PPA2: variants seen among roughly 807,000 people sequenced by gnomAD.
The protein encoded by PPA2 is inorganic pyrophosphatase 2, mitochondrial.
In PPA2, 48 loss-of-function variants were observed where a neutral mutation model predicts 49.5. That is an observed-to-expected ratio of 0.97 (90% CI 0.77 to 1.23). The LOEUF is 1.23. Ranked by LOEUF, PPA2 falls within the 50% of genes most tolerant of loss-of-function variation. The pLI is 0.00. For missense variants in PPA2, 429 were observed against 410.1 expected (o/e 1.05, Z -0.40); for synonymous variants, 131 against 139.9 (o/e 0.94, Z 0.45).
intron 10 of PPA2, among the ~76,000 whole-genome samples, chr4:105,376,325 C>G (rs1223655767): frequency 6.6e-6 from 1 of 152,206 alleles, no homozygotes; most frequent in Non-Finnish European, 1.5e-5. Flanking sequence ...AAATTTTATA[C>G]AACACTATGG....
intron 9 of PPA2, among the ~76,000 whole-genome samples, chr4:105,390,420 A>C (rs111369513): frequency 0.033 from 5,003 of 152,254 alleles, 273 homozygotes; most frequent in African/African-American, 0.11. Context: ...TACCTGACAA[A>C]GGTCTAGTAT....
chr4:105,409,942 C>T (rs543753290), intron 7 of PPA2, among the ~76,000 whole-genome samples: 2 of 152,264 alleles, frequency 1.3e-5, no homozygotes, highest in South Asian at 4.1e-4. Context: ...TAGATAAAAC[C>T]ACAAAGATGG....
chr4:105,419,955 CT>C (rs35268597), intron 7 of PPA2, among the ~76,000 whole-genome samples: 50,886 of 147,924 alleles, frequency 0.34, 10,259 homozygotes, highest in East Asian at 0.68. Context: ...CTTTTTCTTT[CT>C]TTTTTTTTTT....
chr4:105,468,984 A>G (rs543067252), intron 1 of PPA2, among the ~76,000 whole-genome samples: 1 of 152,256 alleles, frequency 6.6e-6, no homozygotes, highest in South Asian at 2.1e-4. Context: ...CATATACTTA[A>G]GCTGGGACTT....
chr4:105,401,858 T>G (rs1000407690), intron 7 of PPA2, among the ~76,000 whole-genome samples: 2 of 152,244 alleles, frequency 1.3e-5, no homozygotes, highest in Non-Finnish European at 2.9e-5. Flanking sequence ...ATATTATGTA[T>G]GCTGACTCTG....
rs188856562 is a variant in PPA2, at chr4:105,456,479, C to G, written c.222+202G>C. The G allele has an allele frequency of 1.9e-5, 10 of 531,668 alleles. No homozygotes were observed. The Admixed American group carries it at 2.4e-4, about 13-fold the overall frequency. 32.9% of individuals were successfully genotyped at this position (531,668 alleles called of 1,614,324 possible). ...TAAGTTTTATGTACCAGTAACACCC[C>G]TTTCTCCCAATTCCTCATGGAAGAA... On this transcript the variant is annotated intron_variant, in intron 2 of 11. Transcript: ENST00000341695.
At chr4:105,370,958 A>G in intron 10 of PPA2, 85 bp from the exon 11 acceptor site, 2 of 1,307,924 alleles carry the variant, frequency 1.5e-6, no homozygotes, top group East Asian at 6.0e-5. Context: ...TCACGAAATT[A>G]TAGAAGAAAG....
chr4:105,430,620 AAC>A (rs1343413582), intron 6 of PPA2, among the ~76,000 whole-genome samples: 4 of 152,240 alleles, frequency 2.6e-5, no homozygotes, highest in Admixed American at 6.5e-5. Context: ...TGATCTAGGC[AAC>A]AGAGTGTCAA....
chr4:105,372,511 C>G (rs977471953), intron 10 of PPA2, among the ~76,000 whole-genome samples: 1 of 152,108 alleles, frequency 6.6e-6, no homozygotes, highest in Admixed American at 6.5e-5. Flanking sequence ...ACATTTAAAC[C>G]AGTGAACTCT....
intron 7 of PPA2, among the ~76,000 whole-genome samples, chr4:105,400,413 T>G (rs1179220060): frequency 6.6e-6 from 1 of 152,104 alleles, no homozygotes; most frequent in Non-Finnish European, 1.5e-5. Flanking sequence ...TGGGATCACC[T>G]GAGGTCAGGA....
intron 7 of PPA2, among the ~76,000 whole-genome samples, chr4:105,418,336 G>T (rs1380751330): frequency 6.6e-6 from 1 of 152,098 alleles, no homozygotes; most frequent in African/African-American, 2.4e-5. Context: ...ACATTAATTT[G>T]CTTATTTTTA....
intron 1 of PPA2, among the ~76,000 whole-genome samples, chr4:105,457,698 G>A (rs770684919): frequency 6.6e-6 from 1 of 151,960 alleles, no homozygotes; most frequent in Non-Finnish European, 1.5e-5. Flanking sequence ...AGAGTAGCTG[G>A]GACTACAGGC....
At chr4:105,467,710 G>T (rs1723363986) in intron 1 of PPA2, among the ~76,000 whole-genome samples, 1 of 152,086 alleles carries the variant, frequency 6.6e-6, no homozygotes, top group Non-Finnish European at 1.5e-5. Flanking sequence ...TGGACAGAAG[G>T]AATTGTCTTT....
intron 7 of PPA2, among the ~76,000 whole-genome samples, chr4:105,415,292 C>T (rs1384875209): frequency 1.3e-5 from 2 of 152,264 alleles, no homozygotes; most frequent in Non-Finnish European, 2.9e-5. Context: ...TGTACCCAGG[C>T]TGTTTGTGCC....
At chr4:105,392,944 G>A (rs749303726) in intron 9 of PPA2, among the ~76,000 whole-genome samples, 1 of 152,152 alleles carries the variant, frequency 6.6e-6, no homozygotes, top group Non-Finnish European at 1.5e-5. Flanking sequence ...ATGAGGGAAT[G>A]TTTCCTAGAG....
chr4:105,427,428 T>C (rs1048227878), intron 6 of PPA2, among the ~76,000 whole-genome samples: 1 of 152,112 alleles, frequency 6.6e-6, no homozygotes, highest in Non-Finnish European at 1.5e-5. Flanking sequence ...TTCTAACCCT[T>C]TGCAAGGAAG....
intron 6 of PPA2, among the ~76,000 whole-genome samples, chr4:105,435,261 A>T (rs1458010645): frequency 6.6e-6 from 1 of 152,152 alleles, no homozygotes; most frequent in Non-Finnish European, 1.5e-5. Flanking sequence ...TCATATATTT[A>T]TTTCATATTT....
chr4:105,380,071 T>C (rs1038609345), intron 10 of PPA2, among the ~76,000 whole-genome samples: 7 of 152,344 alleles, frequency 4.6e-5, no homozygotes, highest in Admixed American at 3.3e-4. Context: ...TGGCTTTTGC[T>C]TCTTTTTATT....
intron 10 of PPA2, among the ~76,000 whole-genome samples, chr4:105,384,294 T>C (rs1262980344): frequency 1.3e-5 from 2 of 152,216 alleles, no homozygotes; most frequent in Admixed American, 6.6e-5. Flanking sequence ...GAGTATCTTC[T>C]TCATTATTAT....
Sources: gnomAD v4.1 joint callset for allele counts (sites outside exome capture counted in the v4.1 genomes callset) on GRCh38, gnomAD v4.1.1 for gene constraint, MANE v1.5 for transcripts, NCBI Gene and HGNC (gene_info 2026-07-23, HGNC 2026-07-21) for gene names.